MAML2: variants seen among roughly 807,000 people sequenced by gnomAD.
MAML2 encodes the protein mastermind like transcriptional coactivator 2, also known as mastermind-like protein 2.
Under a neutral mutation model 96.1 loss-of-function variants are expected in MAML2, and 22 were observed. The ratio of observed to expected loss-of-function variants is 0.23; its 90% CI spans 0.16 to 0.33. The LOEUF is 0.33. Among genes scored for constraint, MAML2 ranks in the 10% least tolerant of loss-of-function variants. MAML2 has a pLI of 1.00. For synonymous variants in MAML2, 561 were observed against 521.3 expected (o/e 1.08, Z -1.04); for missense variants, 1,367 against 1,392.4 (o/e 0.98, Z 0.29).
intron 2 of MAML2, among the ~76,000 whole-genome samples, chr11:95,994,084 T>C (rs576668964): frequency 6.6e-6 from 1 of 152,232 alleles, no homozygotes; most frequent in South Asian, 2.1e-4. Flanking sequence ...ACAGGAAGCA[T>C]TGAGAAGAAA....
intron 1 of MAML2, among the ~76,000 whole-genome samples, chr11:96,220,286 T>G (rs1397271442): frequency 6.6e-6 from 1 of 152,164 alleles, no homozygotes; most frequent in Non-Finnish European, 1.5e-5. Flanking sequence ...TCTTTCTCTG[T>G]GCTCCTTTAA....
At chr11:96,224,394 C>T (rs1423105440) in intron 1 of MAML2, among the ~76,000 whole-genome samples, 1 of 152,172 alleles carries the variant, frequency 6.6e-6, no homozygotes, top group Admixed American at 6.5e-5. Context: ...TCCAACAGTG[C>T]CCCAACCCCA....
chr11:96,330,941 C>T (rs779985743), intron 1 of MAML2, among the ~76,000 whole-genome samples: 21 of 151,922 alleles, frequency 1.4e-4, no homozygotes, highest in Non-Finnish European at 2.2e-4. Flanking sequence ...TACAAAGGGG[C>T]GTGTGGGGTG....
intron 1 of MAML2, among the ~76,000 whole-genome samples, chr11:96,125,575 C>T (rs1429298538): frequency 6.6e-6 from 1 of 152,186 alleles, no homozygotes; most frequent in Non-Finnish European, 1.5e-5. Context: ...GGTTGGCACA[C>T]ATATTACGAA....
intron 2 of MAML2, among the ~76,000 whole-genome samples, chr11:96,077,913 C>T (rs935368575): frequency 1.3e-5 from 2 of 152,162 alleles, no homozygotes; most frequent in Admixed American, 1.3e-4. Flanking sequence ...TGGGCAGTAC[C>T]TACACTGTAA....
At chr11:96,062,214 T>C (rs1859172821) in intron 2 of MAML2, among the ~76,000 whole-genome samples, 1 of 152,220 alleles carries the variant, frequency 6.6e-6, no homozygotes. Context: ...AGAAAATTAC[T>C]ACAACTGTGA....
intron 2 of MAML2, among the ~76,000 whole-genome samples, chr11:96,003,841 T>C (rs1235128128): frequency 6.6e-6 from 1 of 152,124 alleles, no homozygotes; most frequent in African/African-American, 2.4e-5. Context: ...ATACAATTTC[T>C]GATCATCAGA....
intron 2 of MAML2, among the ~76,000 whole-genome samples, chr11:96,052,620 G>A (rs1032744757): frequency 1.9e-4 from 29 of 152,176 alleles, no homozygotes; most frequent in African/African-American, 6.8e-4. Context: ...ATCCACCAGA[G>A]CTGTCTTGTC....
rs1380202666 is a variant in MAML2, at chr11:95,998,170, G to GTCTA, written c.2140-6448_2140-6447insTAGA. On this transcript the variant is annotated intron_variant, in intron 2 of 4. Transcript: ENST00000524717. ...TGTCTGTCTGTCTGTCTGTCTGTCT[G>GTCTA]TCTGTCTATCTATCTATCCACCCCA... Among the ~76,000 whole-genome samples the GTCTA allele has an allele frequency of 4.8e-4, 39 of 81,986 alleles. No homozygotes were observed. The East Asian group carries it at 6.3e-3, about 13-fold the overall frequency. 53.8% of individuals were successfully genotyped at this position (81,986 alleles called of 152,430 possible).
chr11:95,997,586 G>T (rs1858011756), intron 2 of MAML2, among the ~76,000 whole-genome samples: 1 of 152,136 alleles, frequency 6.6e-6, no homozygotes, highest in Non-Finnish European at 1.5e-5. Context: ...GCAGTAAAAA[G>T]ATACTGAAGG....
intron 1 of MAML2, among the ~76,000 whole-genome samples, chr11:96,136,063 C>T (rs181909612): frequency 1.3e-5 from 2 of 151,176 alleles, no homozygotes; most frequent in Admixed American, 1.3e-4. Flanking sequence ...CTCAATTATA[C>T]GTGATATGTA....
intron 1 of MAML2, among the ~76,000 whole-genome samples, chr11:96,160,568 C>T (rs1861087462): frequency 6.6e-6 from 1 of 151,974 alleles, no homozygotes; most frequent in African/African-American, 2.4e-5. Context: ...GCTGGGATTA[C>T]AGGCGCCTGC....
At chr11:96,101,255 A>G (rs905494077) in intron 1 of MAML2, among the ~76,000 whole-genome samples, 3 of 152,190 alleles carry the variant, frequency 2.0e-5, no homozygotes, top group African/African-American at 7.2e-5. Context: ...AGAGTAACTC[A>G]ACGACTTGGA....
At chr11:96,197,681 A>G (rs1861750991) in intron 1 of MAML2, among the ~76,000 whole-genome samples, 1 of 152,162 alleles carries the variant, frequency 6.6e-6, no homozygotes, top group Non-Finnish European at 1.5e-5. Flanking sequence ...GCAGTGTGTG[A>G]GGATACCAGA....
At chr11:96,099,056 G>A (rs1399666943) in intron 1 of MAML2, among the ~76,000 whole-genome samples, 1 of 152,030 alleles carries the variant, frequency 6.6e-6, no homozygotes, top group East Asian at 1.9e-4. Flanking sequence ...CAGTCCATAG[G>A]TCACTTTTTT....
intron 2 of MAML2, among the ~76,000 whole-genome samples, chr11:96,054,633 A>G (rs962309180): frequency 5.3e-5 from 8 of 152,132 alleles, no homozygotes; most frequent in Non-Finnish European, 8.8e-5. Flanking sequence ...TGTCTTACAT[A>G]TGGTTTTAAT....
intron 1 of MAML2, among the ~76,000 whole-genome samples, chr11:96,211,922 G>C (rs986220741): frequency 3.3e-5 from 5 of 152,110 alleles, no homozygotes; most frequent in African/African-American, 9.7e-5. Flanking sequence ...AGAAAAGTTA[G>C]GAAGCTATGG....
At chr11:96,072,896 C>G (rs1859369778) in intron 2 of MAML2, among the ~76,000 whole-genome samples, 1 of 152,218 alleles carries the variant, frequency 6.6e-6, no homozygotes, top group Admixed American at 6.5e-5. Context: ...GCCTCCAAGA[C>G]TAAACTTGTC....
chr11:96,230,163 T>C (rs1271371789), intron 1 of MAML2, among the ~76,000 whole-genome samples: 2 of 152,152 alleles, frequency 1.3e-5, no homozygotes, highest in Admixed American at 6.5e-5. Context: ...ATTTAGAATA[T>C]GGAATGATGA....
Sources: gnomAD v4.1 joint callset for allele counts (sites outside exome capture counted in the v4.1 genomes callset) on GRCh38, gnomAD v4.1.1 for gene constraint, MANE v1.5 for transcripts, NCBI Gene and HGNC (gene_info 2026-07-23, HGNC 2026-07-21) for gene names.